Variants in CIITA observed in about 807,000 individuals in gnomAD.
CIITA encodes class II major histocompatibility complex transactivator.
A neutral mutation model predicts 115.1 loss-of-function variants in CIITA; 72 were observed. That is an observed-to-expected ratio of 0.63 (90% CI 0.52 to 0.76). CIITA has a LOEUF of 0.76. Among genes scored for constraint, CIITA ranks in the 30% least tolerant of loss-of-function variants. CIITA has a pLI of 0.00. For missense variants in CIITA, 1,617 were observed against 1,463.8 expected (o/e 1.10, Z -1.71); for synonymous variants, 763 against 635.6 (o/e 1.20, Z -3.02).
intron 13 of CIITA, among the ~76,000 whole-genome samples, chr16:10,910,994 G>A (rs940766454): frequency 6.6e-5 from 10 of 150,392 alleles, no homozygotes; most frequent in African/African-American, 2.2e-4. Context: ...GGCAAACTGG[G>A]ACAGTTGGTT....
At position 10,877,389 on chromosome 16, in the gene CIITA, A is replaced by T. The variant is rs1382154791; in HGVS notation, c.52+7A>T. On this transcript the variant is annotated splice_region_variant and intron_variant, in intron 1 of 19. Coordinates refer to ENST00000324288, the MANE Select transcript of CIITA (RefSeq NM_000246.4). ...TACCTGTCAGAGCCCCAAGGTAAAA[A>T]GGCCGGGAAAGCATCTTAATTTAGC... is the stretch of plus-strand genomic sequence containing the variant. 1 of 1,612,170 alleles carries T rather than the reference A, an allele frequency of 6.2e-7. No individual in the cohort carries two copies. Among genetic ancestry groups the T allele is most frequent in the South Asian group, 1.1e-5 (1 of 90,692 alleles).
upstream of CIITA, among the ~76,000 whole-genome samples, chr16:10,872,476 A>G (rs1288848053): frequency 6.6e-6 from 1 of 152,112 alleles, no homozygotes; most frequent in African/African-American, 2.4e-5. Context: ...ATTTATATCT[A>G]CTGTCTACAT....
downstream of CIITA, chr16:10,937,096 G>C (rs972928794): frequency 9.9e-5 from 15 of 152,244 alleles, no homozygotes; most frequent in African/African-American, 3.4e-4. This position sits in a 1 kb window ranked among gnomAD's most constrained non-coding sequence, Gnocchi z 4.2. Context: ...ACTGTCTTGA[G>C]ACACATACTG....
At chr16:10,882,846 G>A (rs757823482) in intron 1 of CIITA, among the ~76,000 whole-genome samples, 12 of 151,136 alleles carry the variant, frequency 7.9e-5, no homozygotes, top group Non-Finnish European at 1.5e-4. Flanking sequence ...GCGGTGAGCC[G>A]AGATCACACC....
In CIITA at chr16:10,919,503, CTTATTTATTTAT is replaced by C. The variant is rs55706326; in HGVS notation, c.3149+996_3149+1007del. ...GGCGTGAGCCACCATGCCCGGCCAA[CTTATTTATTTAT>C]TTATTTATTTATTTATTTGGAGATG... On this transcript the variant is annotated intron_variant, in intron 16 of 19. Coordinates refer to ENST00000324288, the MANE Select transcript of CIITA (RefSeq NM_000246.4). 3.8e-3 allele frequency among the ~76,000 whole-genome samples: 570 copies of C among 149,316 alleles called. 12 individuals carry two copies. In the South Asian group the frequency reaches 0.05, roughly 13 times the overall value.
At chr16:10,895,597 G>A in intron 2 of CIITA, 72 bp from the exon 3 acceptor site, 8 of 1,591,022 alleles carry the variant, frequency 5.0e-6, no homozygotes, top group South Asian at 4.5e-5. Flanking sequence ...GCCCTGCCCC[G>A]CCTCTCCCTC....
rs374301839 is a variant in CIITA at position 10,912,412 on chromosome 16, C to T, written c.2888+2153C>T. 1.1e-4 allele frequency among the ~76,000 whole-genome samples: 16 copies of T among 152,360 alleles called. No homozygotes were observed. The South Asian group carries it at 1.4e-3, about 14-fold the overall frequency. ...TACAGGTGTAAGCCACCATGCCCAG[C>T]TTATAATTCAGTGCATTTTATATAT... On this transcript the variant is annotated intron_variant, in intron 13 of 19. Transcript: ENST00000324288.
intron 12 of CIITA, among the ~76,000 whole-genome samples, chr16:10,909,526 A>T (rs2039413396): frequency 6.6e-6 from 1 of 152,222 alleles, no homozygotes; most frequent in Non-Finnish European, 1.5e-5. Flanking sequence ...GGCATTTAGG[A>T]CAACTGTTGT....
chr16:10,902,832 T>A (rs1271329899), intron 8 of CIITA, 31 bp downstream of exon 8: 1 of 1,613,078 alleles, frequency 6.2e-7, no homozygotes, highest in African/African-American at 1.3e-5. Flanking sequence ...CCCGACCACC[T>A]CTCCCTCCTA....
chr16:10,893,948 C>T (rs1176154501), intron 1 of CIITA, among the ~76,000 whole-genome samples: 5 of 151,736 alleles, frequency 3.3e-5, no homozygotes, highest in African/African-American at 1.2e-4. Context: ...GACCCATCAG[C>T]AGTTGTTCCC....
upstream of CIITA, among the ~76,000 whole-genome samples, chr16:10,875,733 T>C (rs547945728): frequency 6.6e-6 from 1 of 152,228 alleles, no homozygotes; most frequent in Admixed American, 6.5e-5. Flanking sequence ...GTGTATTTCA[T>C]GATCATAGCT....
chr16:10,889,154 G>C (rs1181398324), intron 1 of CIITA, among the ~76,000 whole-genome samples: 1 of 152,172 alleles, frequency 6.6e-6, no homozygotes, highest in African/African-American at 2.4e-5. Context: ...GAGAGCTGAA[G>C]GGCTCTCTCT....
At chr16:10,889,376 T>C (rs1199441663) in intron 1 of CIITA, among the ~76,000 whole-genome samples, 2 of 152,170 alleles carry the variant, frequency 1.3e-5, no homozygotes, top group East Asian at 3.8e-4. Flanking sequence ...TGGGGAAACC[T>C]AGAGTCTTGG....
chr16:10,900,613 A>ATG (rs1567401882), intron 5 of CIITA, among the ~76,000 whole-genome samples: 1 of 151,828 alleles, frequency 6.6e-6, no homozygotes, highest in South Asian at 2.1e-4. Context: ...GGTGGCGAAC[A>ATG]CCTGTAATCC....
At chr16:10,918,001 C>T (rs1461705867) in intron 15 of CIITA, among the ~76,000 whole-genome samples, 1 of 152,162 alleles carries the variant, frequency 6.6e-6, no homozygotes, top group African/African-American at 2.4e-5. Context: ...TTACCCGCCA[C>T]CCCACTTAAG....
intron 1 of CIITA, among the ~76,000 whole-genome samples, chr16:10,882,771 C>T (rs959869645): frequency 3.3e-5 from 5 of 151,826 alleles, no homozygotes; most frequent in Non-Finnish European, 7.4e-5. Context: ...GTGGTGCATG[C>T]CTGTAATCCC....
At chr16:10,922,845 C>A in intron 18 of CIITA, 1 of 497,630 alleles carries the variant, frequency 2.0e-6, no homozygotes. Flanking sequence ...TCAGGTTTAT[C>A]TTTTATTAAG....
intron 3 of CIITA, among the ~76,000 whole-genome samples, chr16:10,896,309 T>A (rs922142741): frequency 3.3e-5 from 5 of 152,234 alleles, no homozygotes; most frequent in African/African-American, 7.2e-5. Context: ...TTAGAGATAG[T>A]AATGTACAGA....
chr16:10,916,966 G>A, intron 15 of CIITA: 2 of 260,028 alleles, frequency 7.7e-6, no homozygotes, highest in East Asian at 5.5e-5. Flanking sequence ...CTAGTGAGGA[G>A]ACACAATGAA....
Sources: allele counts gnomAD v4.1 joint callset (sites outside exome capture counted in the v4.1 genomes callset), GRCh38; gene constraint gnomAD v4.1.1; non-coding constraint Gnocchi (gnomAD v3.1); transcripts MANE v1.5; gene names NCBI Gene and HGNC (gene_info 2026-07-23, HGNC 2026-07-21).